The following ST6GALNAC3 variants were observed in gnomAD, a reference collection of about 807,000 sequenced individuals.
The protein encoded by ST6GALNAC3 is ST6 N-acetylgalactosaminide alpha-2,6-sialyltransferase 3.
Under a neutral mutation model 32.7 loss-of-function variants are expected in ST6GALNAC3, and 25 were observed. The ratio of observed to expected loss-of-function variants is 0.76; its 90% CI spans 0.56 to 1.07. The LOEUF is 1.07. ST6GALNAC3 is among the 50% of genes least tolerant of loss of function. ST6GALNAC3 has a pLI of 0.00. For synonymous variants in ST6GALNAC3, 129 were observed against 133.1 expected, an observed-to-expected ratio of 0.97 and a Z score of 0.21; for missense variants, 355 against 382.4, an observed-to-expected ratio of 0.93 and a Z score of 0.60.
intron 3 of ST6GALNAC3, among the ~76,000 whole-genome samples, chr1:76,423,165 G>C (rs1655148517): frequency 6.6e-6 from 1 of 151,982 alleles, no homozygotes. Flanking sequence ...GATTAGCACT[G>C]TTTGACAACT....
intron 1 of ST6GALNAC3, among the ~76,000 whole-genome samples, chr1:76,213,460 C>T (rs1442119029): frequency 6.6e-6 from 1 of 152,088 alleles, no homozygotes; most frequent in Admixed American, 6.6e-5. Context: ...GTTACAGTAG[C>T]TTGTGTTAAT....
At chr1:76,080,053 C>A (rs1251179575) in intron 1 of ST6GALNAC3, among the ~76,000 whole-genome samples, 1 of 152,088 alleles carries the variant, frequency 6.6e-6, no homozygotes, top group African/African-American at 2.4e-5. Context: ...CTGTTCTTAC[C>A]CTAAGTGAGA....
At chr1:76,202,726 A>G (rs1654602682) in intron 1 of ST6GALNAC3, among the ~76,000 whole-genome samples, 1 of 152,212 alleles carries the variant, frequency 6.6e-6, no homozygotes, top group African/African-American at 2.4e-5. Flanking sequence ...TCAGTGAAAA[A>G]TCTGCCCAGA....
chr1:76,077,491 G>T (rs933913730), intron 1 of ST6GALNAC3, among the ~76,000 whole-genome samples: 3 of 152,264 alleles, frequency 2.0e-5, no homozygotes, highest in Non-Finnish European at 2.9e-5. Flanking sequence ...ACCCGAAGAA[G>T]GGGAGAGGCC....
chr1:76,374,904 T>TG (rs1651100532), intron 2 of ST6GALNAC3, among the ~76,000 whole-genome samples: 1 of 145,000 alleles, frequency 6.9e-6, no homozygotes. Flanking sequence ...AACCAAAAAA[T>TG]GTTTTTTTTG....
At chr1:76,082,800 G>A (rs1382454848) in intron 1 of ST6GALNAC3, among the ~76,000 whole-genome samples, 1 of 152,142 alleles carries the variant, frequency 6.6e-6, no homozygotes, top group African/African-American at 2.4e-5. Flanking sequence ...ACTTGAGAGA[G>A]TGAGGGAGAA....
chr1:76,530,727 T>C (rs1024391251), intron 3 of ST6GALNAC3, among the ~76,000 whole-genome samples: 10 of 152,176 alleles, frequency 6.6e-5, no homozygotes, highest in African/African-American at 1.9e-4. Context: ...AAACAAATGC[T>C]ATAATTCACC....
chr1:76,375,321 A>G (rs1651138993), intron 2 of ST6GALNAC3, among the ~76,000 whole-genome samples: 1 of 152,170 alleles, frequency 6.6e-6, no homozygotes, highest in South Asian at 2.1e-4. Flanking sequence ...TATAAAAGAG[A>G]TAGCAAGGAA....
chr1:76,587,995 G>T (rs1646988185), intron 3 of ST6GALNAC3, among the ~76,000 whole-genome samples: 1 of 152,220 alleles, frequency 6.6e-6, no homozygotes, highest in Non-Finnish European at 1.5e-5. Flanking sequence ...ATCCAAAGGA[G>T]AGGAAGGTGG....
At chr1:76,572,057 A>C (rs2100496982) in intron 3 of ST6GALNAC3, among the ~76,000 whole-genome samples, 1 of 152,206 alleles carries the variant, frequency 6.6e-6, no homozygotes, top group Admixed American at 6.6e-5. Context: ...ATGGAAAAAT[A>C]ATTAGCCAAT....
chr1:76,513,814 G>T (rs1178907308), intron 3 of ST6GALNAC3, among the ~76,000 whole-genome samples: 1 of 151,994 alleles, frequency 6.6e-6, no homozygotes, highest in African/African-American at 2.4e-5. Flanking sequence ...CCATTTACTT[G>T]TGTCTTCCTC....
At position 76,525,214 on chromosome 1, in the gene ST6GALNAC3, T is replaced by A. The variant is rs557931126; in HGVS notation, c.624-102238T>A. Among the ~76,000 whole-genome samples the A allele has an allele frequency of 2.0e-5, 3 of 152,188 alleles. No individual in the cohort carries two copies. The South Asian group carries it at 6.2e-4, about 32-fold the overall frequency. On this transcript the variant is annotated intron_variant, in intron 3 of 4. Transcript: ENST00000328299. ...CATAATGAGGAGGCCAAACTTCAGA[T>A]ACACAGAGGAGCCATGGAACATTTC...
At chr1:76,403,346 T>C (rs984061813) in intron 2 of ST6GALNAC3, among the ~76,000 whole-genome samples, 3 of 152,132 alleles carry the variant, frequency 2.0e-5, no homozygotes, top group Non-Finnish European at 2.9e-5. Flanking sequence ...TGTAAGTGCT[T>C]CTTGTCAATC....
chr1:76,253,672 A>G (rs1657750748), intron 1 of ST6GALNAC3, among the ~76,000 whole-genome samples: 1 of 152,184 alleles, frequency 6.6e-6, no homozygotes, highest in Non-Finnish European at 1.5e-5. Context: ...ATGCAATTAC[A>G]TTAATCCTGA....
chr1:76,413,931 T>C (rs2101319783), intron 3 of ST6GALNAC3, among the ~76,000 whole-genome samples: 1 of 152,264 alleles, frequency 6.6e-6, no homozygotes, highest in East Asian at 1.9e-4. Context: ...TTTCATTAGT[T>C]AGAGTTAGCC....
In ST6GALNAC3 at chr1:76,399,541, G is replaced by T. The variant is rs796584177; in HGVS notation, c.214-12467G>T. Among the ~76,000 whole-genome samples the T allele has an allele frequency of 7.9e-5, 12 of 152,264 alleles. 2 individuals carry two copies. The highest frequency in any genetic ancestry group is 2.6e-4 in the African/African-American group (11 of 41,554). The stretch of plus-strand genomic sequence containing the variant: ...ACCATCTTGTTCCTCTTCATCAAGG[G>T]CATTAGCTTTCTTGGCCCTTTGCAT... On this transcript the variant is annotated intron_variant, in intron 2 of 4. Transcript: ENST00000328299.
intron 3 of ST6GALNAC3, among the ~76,000 whole-genome samples, chr1:76,549,082 A>G (rs1490937455): frequency 6.6e-6 from 1 of 152,234 alleles, no homozygotes; most frequent in Non-Finnish European, 1.5e-5. Context: ...TGATTTACAC[A>G]TACATCCTTT....
At chr1:76,562,412 G>A (rs1252995288) in intron 3 of ST6GALNAC3, among the ~76,000 whole-genome samples, 2 of 152,170 alleles carry the variant, frequency 1.3e-5, no homozygotes, top group African/African-American at 4.8e-5. Flanking sequence ...AACTACCATA[G>A]TGGCAATGGG....
intron 1 of ST6GALNAC3, among the ~76,000 whole-genome samples, chr1:76,123,062 T>C (rs991223711): frequency 6.6e-6 from 1 of 152,318 alleles, no homozygotes; most frequent in Non-Finnish European, 1.5e-5. Context: ...GTGATTCCTC[T>C]GCACATTAAT....
Sources: gnomAD v4.1 joint callset for allele counts (sites outside exome capture counted in the v4.1 genomes callset) on GRCh38, gnomAD v4.1.1 for gene constraint, MANE v1.5 for transcripts, NCBI Gene and HGNC (gene_info 2026-07-23, HGNC 2026-07-21) for gene names.